The following CNTNAP2 variants were observed in gnomAD, a reference collection of about 807,000 sequenced individuals.
CNTNAP2 encodes contactin-associated protein-like 2.
CNTNAP2 carries 98 observed loss-of-function variants against 155.2 expected under a neutral mutation model. That is an observed-to-expected ratio of 0.63 (90% CI 0.54 to 0.75). The LOEUF is 0.75. Among genes scored for constraint, CNTNAP2 ranks in the 30% least tolerant of loss-of-function variants. The pLI is 0.00. For missense variants in CNTNAP2, 1,727 were observed against 1,688.1 expected (o/e 1.02, Z -0.40); for synonymous variants, 651 against 631.2 (o/e 1.03, Z -0.47).
chr7:148,079,712 T>G (rs923363826), intron 15 of CNTNAP2, among the ~76,000 whole-genome samples: 3 of 152,214 alleles, frequency 2.0e-5, no homozygotes, highest in African/African-American at 7.2e-5. Flanking sequence ...ACCTGCTATC[T>G]GTCATGTAAT....
At chr7:146,356,298 C>T (rs555514980) in intron 1 of CNTNAP2, among the ~76,000 whole-genome samples, 10 of 152,262 alleles carry the variant, frequency 6.6e-5, no homozygotes, top group African/African-American at 2.2e-4. Context: ...GAACTCTAAC[C>T]TTTAAGATGC....
chr7:146,267,781 T>C (rs1477112805), intron 1 of CNTNAP2, among the ~76,000 whole-genome samples: 1 of 152,214 alleles, frequency 6.6e-6, no homozygotes, highest in Non-Finnish European at 1.5e-5. Context: ...TATTTTGTTA[T>C]AGTAGCACTA....
chr7:146,248,170 G>A (rs1799694827), intron 1 of CNTNAP2, among the ~76,000 whole-genome samples: 5 of 152,036 alleles, frequency 3.3e-5, no homozygotes, highest in Admixed American at 3.3e-4. Context: ...TAAGAGGTCC[G>A]GGTGCGGAAA....
Position 148,416,519 on chromosome 7 carries a change from T to C in CNTNAP2, c.*903T>C, listed in dbSNP as rs1799994965. ...GAGCCAGATGTTATGATTTGTTTGC[T>C]CTTTTTCTTTTATAGTTTAGTTATA... On this transcript the variant is annotated 3_prime_UTR_variant, in exon 24 of 24. Transcript: ENST00000361727. 1.1e-4 allele frequency: 1 copy of C among 8,752 alleles called. No individual in the cohort carries two copies. The allele number at this position is 8,752 out of a possible 1,614,324, so 0.5% of individuals were successfully genotyped here. A position where few individuals can be genotyped will look rare whatever the true frequency, so the allele number is the denominator to read the frequency against.
At chr7:147,406,904 C>A (rs987357125) in intron 10 of CNTNAP2, among the ~76,000 whole-genome samples, 3 of 152,146 alleles carry the variant, frequency 2.0e-5, no homozygotes, top group African/African-American at 7.2e-5. Context: ...AAGTACCATA[C>A]AACATTTGTG....
intron 1 of CNTNAP2, among the ~76,000 whole-genome samples, chr7:146,283,369 C>A (rs982863169): frequency 6.6e-6 from 1 of 151,928 alleles, no homozygotes; most frequent in Non-Finnish European, 1.5e-5. Context: ...TTCTGTTTTT[C>A]GTTTTGTTTT....
At chr7:146,695,758 T>C (rs1307053795) in intron 1 of CNTNAP2, among the ~76,000 whole-genome samples, 1 of 152,140 alleles carries the variant, frequency 6.6e-6, no homozygotes, top group Admixed American at 6.6e-5. Context: ...TAAGCATATA[T>C]TTAGCATGTA....
At chr7:146,336,053 G>T (rs1156557620) in intron 1 of CNTNAP2, among the ~76,000 whole-genome samples, 4 of 151,898 alleles carry the variant, frequency 2.6e-5, no homozygotes, top group Non-Finnish European at 5.9e-5. Context: ...TACAAAATTA[G>T]CCAGGTGTGG....
At chr7:146,932,246 G>A (rs1039748703) in intron 3 of CNTNAP2, among the ~76,000 whole-genome samples, 1 of 152,188 alleles carries the variant, frequency 6.6e-6, no homozygotes, top group African/African-American at 2.4e-5. Flanking sequence ...CCTTGATCAA[G>A]TGGGCTTCAT....
In CNTNAP2 at chr7:146,290,576, C is replaced by G. The variant is rs576957826; in HGVS notation, c.97+173603C>G. Among the ~76,000 whole-genome samples the G allele has an allele frequency of 9.9e-5, 15 of 152,226 alleles. No individual in the cohort carries two copies. The East Asian group carries it at 2.7e-3, about 27-fold the overall frequency. Reference sequence around the variant, plus strand: ...GTCACTAATTACTTGTGAACTAAAACGTAAGATGTTTAGTTTTTTGCTTCC... The same window carrying G: ...GTCACTAATTACTTGTGAACTAAAAGGTAAGATGTTTAGTTTTTTGCTTCC... On this transcript the variant is annotated intron_variant, in intron 1 of 23. Coordinates refer to ENST00000361727, the MANE Select transcript of CNTNAP2 (RefSeq NM_014141.6).
intron 1 of CNTNAP2, among the ~76,000 whole-genome samples, chr7:146,290,781 T>A (rs1256190918): frequency 6.6e-6 from 1 of 152,208 alleles, no homozygotes; most frequent in African/African-American, 2.4e-5. Context: ...ACGAATGAAC[T>A]GAGTTTATTT....
At chr7:147,018,342 A>G (rs968686532) in intron 3 of CNTNAP2, among the ~76,000 whole-genome samples, 2 of 152,076 alleles carry the variant, frequency 1.3e-5, no homozygotes, top group African/African-American at 4.8e-5. Context: ...TCCTTGTCCT[A>G]TAATACCCAC....
At chr7:146,778,994 C>T (rs370197047) in intron 2 of CNTNAP2, among the ~76,000 whole-genome samples, 12 of 152,080 alleles carry the variant, frequency 7.9e-5, no homozygotes, top group East Asian at 3.9e-4. Context: ...ACTGGGGAAA[C>T]GATAACAGGC....
chr7:146,792,790 A>G (rs1430884936), intron 2 of CNTNAP2, among the ~76,000 whole-genome samples: 1 of 152,222 alleles, frequency 6.6e-6, no homozygotes, highest in East Asian at 1.9e-4. Flanking sequence ...GCATCTGAGT[A>G]TTAATCAAAA....
chr7:146,407,213 T>C (rs951539110), intron 1 of CNTNAP2, among the ~76,000 whole-genome samples: 26 of 152,196 alleles, frequency 1.7e-4, no homozygotes, highest in Admixed American at 2.0e-4. Context: ...TTTCCAGGAA[T>C]ACCAAAATAA....
chr7:146,391,683 T>A (rs1265944159), intron 1 of CNTNAP2, among the ~76,000 whole-genome samples: 3 of 152,202 alleles, frequency 2.0e-5, no homozygotes, highest in Non-Finnish European at 4.4e-5. Flanking sequence ...TGGTTTTCTG[T>A]TCCCGCATTA....
At chr7:148,187,797 A>C (rs369499095) in intron 18 of CNTNAP2, among the ~76,000 whole-genome samples, 2 of 152,296 alleles carry the variant, frequency 1.3e-5, no homozygotes, top group African/African-American at 4.8e-5. Context: ...TGACACAAAT[A>C]AAATATTTAT....
intron 1 of CNTNAP2, among the ~76,000 whole-genome samples, chr7:146,320,001 C>CA (rs1248141981): frequency 2.7e-5 from 4 of 150,872 alleles, no homozygotes; most frequent in African/African-American, 9.9e-5. Flanking sequence ...TGTCGCCCCC[C>CA]CCACCCCAGT....
intron 3 of CNTNAP2, among the ~76,000 whole-genome samples, chr7:146,983,641 C>A (rs1293111436): frequency 6.6e-6 from 1 of 152,108 alleles, no homozygotes; most frequent in Non-Finnish European, 1.5e-5. Flanking sequence ...CCATAGTAAG[C>A]ATGAGGGCTT....
Sources: allele counts gnomAD v4.1 joint callset (sites outside exome capture counted in the v4.1 genomes callset), GRCh38; gene constraint gnomAD v4.1.1; transcripts MANE v1.5; gene names NCBI Gene and HGNC (gene_info 2026-07-23, HGNC 2026-07-21).